NKX2-8: variants seen among roughly 807,000 people sequenced by gnomAD.
The protein encoded by NKX2-8 is homeobox protein Nkx-2.8.
In NKX2-8, 8 loss-of-function variants were observed where a neutral mutation model predicts 6.4. The observed-to-expected ratio is 1.24, with a 90% CI of 0.73 to 2.24. The LOEUF (loss-of-function observed/expected upper bound fraction) is 2.24. Ranked by LOEUF, NKX2-8 falls within the 30% of genes most tolerant of loss-of-function variation. The pLI is 0.00. For missense variants in NKX2-8, 406 were observed against 351.1 expected (o/e 1.16, Z -1.25); for synonymous variants, 216 against 171.5 (o/e 1.26, Z -2.03).
At position 36,582,375 on chromosome 14, in the gene NKX2-8, T is replaced by A; in HGVS notation, c.15A>T (p.Gly5=). 1 of 1,532,150 alleles carries A rather than the reference T, an allele frequency of 6.5e-7. No individual in the cohort carries two copies. The highest frequency in any genetic ancestry group is 8.8e-7 in the Non-Finnish European group (1 of 1,131,368). 94.9% of individuals were successfully genotyped at this position (1,532,150 alleles called of 1,614,324 possible). Residue 5 remains glycine, a synonymous_variant, in exon 1 of 2, where the codon GGA becomes GGT. Coordinates refer to ENST00000258829, the MANE Select transcript of NKX2-8 (RefSeq NM_014360.4). The stretch of plus-strand genomic sequence containing the variant: ...GGCTGCGCACGGTGAAGCTCAGGCG[T>A]CCAGAGGTGGCCATGGCCGAGGAGG... MATS[G]RLSFTVRSLL...
At position 36,581,090 on chromosome 14, in the gene NKX2-8, C is replaced by T. The variant is rs555505864; in HGVS notation, c.532G>A (p.Gly178Arg). 8.5e-6 allele frequency: 12 copies of T among 1,414,420 alleles called. No individual in the cohort carries two copies. The Admixed American group carries it at 1.7e-4, about 20-fold the overall frequency. The allele number at this position is 1,414,420 out of a possible 1,614,324, so 87.6% of individuals were successfully genotyped here. The change falls in exon 2 of 2, where the codon GGG (glycine) becomes AGG (arginine). Residue 178 changes from glycine (G) to arginine (R), a missense_variant. By Grantham distance (125) the Gly-to-Arg change is moderately radical. Coordinates refer to ENST00000258829, the MANE Select transcript of NKX2-8 (RefSeq NM_014360.4). This position sits in a 1 kb window ranked among gnomAD's most constrained non-coding sequence, Gnocchi z 5.6. ...CCGCCGCCGCCGCCGCACGGCTGCCCGTCGCGAACAAGCACCGGCACCACC... is the reference window on the plus strand; with the variant it reads ...CCGCCGCCGCCGCCGCACGGCTGCCTGTCGCGAACAAGCACCGGCACCACC... ...RVVVPVLVRD[G>R]QPCGGGGGGE...
Position 36,580,699 on chromosome 14 carries a change from AG to A in NKX2-8, c.*202del, listed in dbSNP as rs1879189496. The A allele has an allele frequency of 5.1e-6, 2 of 392,606 alleles. No homozygotes were observed. The highest frequency in any genetic ancestry group is 2.9e-4 in the South Asian group (2 of 6,982). 24.3% of individuals were successfully genotyped at this position (392,606 alleles called of 1,614,324 possible). ...AACTCTGGGGCTGGCGGTGGAGGGA[AG>A]GTGAGGGAGGGGGCTCTGGCACACG... is the stretch of plus-strand genomic sequence containing the variant. On this transcript the variant is annotated 3_prime_UTR_variant, in exon 2 of 2. Transcript: ENST00000258829.
Position 36,582,229 on chromosome 14 carries a change from T to C in NKX2-8, c.157+4A>G. The stretch of plus-strand genomic sequence containing the variant: ...CCCCGCACCGCAATCCACCACGCAC[T>C]TACAAGGGTAGTGGCCGCGCTCCGA... On this transcript the variant is annotated splice_donor_region_variant and intron_variant, in intron 1 of 1. Coordinates refer to ENST00000258829, the MANE Select transcript of NKX2-8 (RefSeq NM_014360.4). 6.2e-7 allele frequency: 1 copy of C among 1,604,196 alleles called. No individual in the cohort carries two copies.
Position 36,580,882 on chromosome 14 carries a change from C to G in NKX2-8, c.*20G>C. Reference sequence around the variant, plus strand: ...GCGCGCTCCAAAGTCGAGGGTAGCCCCAGGTGCCGCCCTGCGGCCTCACCA... The same window carrying G: ...GCGCGCTCCAAAGTCGAGGGTAGCCGCAGGTGCCGCCCTGCGGCCTCACCA... On this transcript the variant is annotated 3_prime_UTR_variant, in exon 2 of 2. Transcript: ENST00000258829. The G allele has an allele frequency of 7.8e-7, 1 of 1,289,098 alleles. No homozygotes were observed. The highest frequency in any genetic ancestry group is 9.8e-7 in the Non-Finnish European group (1 of 1,022,250). The allele number at this position is 1,289,098 out of a possible 1,614,324, so 79.9% of individuals were successfully genotyped here. A position where few individuals can be genotyped will look rare whatever the true frequency, so the allele number is the denominator to read the frequency against.
Position 36,581,379 on chromosome 14 carries a change from G to A in NKX2-8, c.243C>T (p.Ala81=), listed in dbSNP as rs760634704. 4 of 1,592,652 alleles carry A rather than the reference G, an allele frequency of 2.5e-6. No individual in the cohort carries two copies. Among genetic ancestry groups the A allele is most frequent in the Non-Finnish European group, 2.6e-6 (3 of 1,169,934 alleles). Reference sequence around the variant, plus strand: ...GCACCCGCCGCTTCTTCCTTTTCTCGGCGTCCGAGCCCGGAGACGCGGGCC... The same window carrying A: ...GCACCCGCCGCTTCTTCCTTTTCTCAGCGTCCGAGCCCGGAGACGCGGGCC... The part of the protein sequence containing the change: ...SARPASPGSD[A]EKRKKRRVLF... Residue 81 remains alanine (A), a synonymous_variant, in exon 2 of 2, where the codon GCC becomes GCT. Transcript: ENST00000258829. This position sits in a 1 kb window ranked among gnomAD's most constrained non-coding sequence, Gnocchi z 5.6.
Position 36,580,821 on chromosome 14 carries a change from C to G in NKX2-8, c.*81G>C, listed in dbSNP as rs1357443649. On this transcript the variant is annotated 3_prime_UTR_variant, in exon 2 of 2. Transcript: ENST00000258829. ...TGCAGGGAGGCGGACGGAGAGCGTT[C>G]CAGGCGTTCGGCTCCGGCCCTGCTC... 2 of 1,048,648 alleles carry G rather than the reference C, an allele frequency of 1.9e-6. No individual in the cohort carries two copies. 65.0% of individuals were successfully genotyped at this position (1,048,648 alleles called of 1,614,324 possible).
rs2139054596 is a variant in NKX2-8 at position 36,581,270 on chromosome 14, C to T, written c.352G>A (p.Ala118Thr). The change falls in exon 2 of 2, where the codon GCG becomes ACG. Residue 118 changes from alanine (A) to threonine (T), a missense_variant. Ala to Thr is a moderately conservative substitution (Grantham distance 58). Transcript: ENST00000258829. This position sits in a 1 kb window ranked among gnomAD's most constrained non-coding sequence, Gnocchi z 5.6. The part of the protein sequence containing the change: ...YLSAPEREQL[A>T]SLLRLTPTQV... ...GTGGGCGTGAGGCGAAGCAGGCTCGCCAGCTGCTCGCGCTCGGGCGCAGAC... is the reference window on the plus strand; with the variant it reads ...GTGGGCGTGAGGCGAAGCAGGCTCGTCAGCTGCTCGCGCTCGGGCGCAGAC... 7 of 1,605,836 alleles carry T rather than the reference C, an allele frequency of 4.4e-6. No individual in the cohort carries two copies. The highest frequency in any genetic ancestry group is 2.2e-5 in the East Asian group (1 of 44,528).
rs1879205195 is a variant in NKX2-8 at position 36,580,980 on chromosome 14, G to T, written c.642C>A (p.Phe214Leu). ...AACPLPGYPA[F>L]GPGSALGLFP... ...AGAGGCCAAGCGCCGAGCCGGGACC[G>T]AAGGCAGGGTAGCCCGGCAGAGGGC... is the stretch of plus-strand genomic sequence containing the variant. Residue 214 changes from phenylalanine to leucine, a missense_variant, in exon 2 of 2, where the codon TTC becomes TTA. By Grantham distance (22) the Phe-to-Leu change is conservative (BLOSUM62 0). Coordinates refer to ENST00000258829, the MANE Select transcript of NKX2-8 (RefSeq NM_014360.4). 2 of 1,351,698 alleles carry T rather than the reference G, an allele frequency of 1.5e-6. No homozygotes were observed. The highest frequency in any genetic ancestry group is 1.5e-5 in the African/African-American group (1 of 66,562). 83.7% of individuals were successfully genotyped at this position (1,351,698 alleles called of 1,614,324 possible). A position where few individuals can be genotyped will look rare whatever the true frequency, so the allele number is the denominator to read the frequency against.
At position 36,581,007 on chromosome 14, in the gene NKX2-8, G is replaced by C. The variant is rs1594434365; in HGVS notation, c.615C>G (p.Ala205=). 3.0e-6 allele frequency: 4 copies of C among 1,348,426 alleles called. No homozygotes were observed. In the East Asian group the frequency reaches 8.8e-5, roughly 30 times the overall value. The allele number at this position is 1,348,426 out of a possible 1,614,324, so 83.5% of individuals were successfully genotyped here. A position where few individuals can be genotyped will look rare whatever the true frequency, so the allele number is the denominator to read the frequency against. ...QEKCGAPPAA[A]CPLPGYPAFG... ...AGGCAGGGTAGCCCGGCAGAGGGCA[G>C]GCGGCGGCTGGAGGGGCGCCGCACT... Residue 205 remains alanine, a synonymous_variant, in exon 2 of 2, where the codon GCC becomes GCG. Transcript: ENST00000258829. The surrounding 1 kb of genome is among the most constrained non-coding windows in gnomAD (Gnocchi z 5.6).
At position 36,580,467 on chromosome 14, in the gene NKX2-8, G is replaced by C. The variant is rs1227224364; in HGVS notation, c.*435C>G. 1.9e-5 allele frequency: 3 copies of C among 154,614 alleles called. No individual in the cohort carries two copies. The highest frequency in any genetic ancestry group is 3.8e-4 in the East Asian group (2 of 5,226). The allele number at this position is 154,614 out of a possible 1,614,324, so 9.6% of individuals were successfully genotyped here. ...TCCAGCTGGGGCCGGGCCCCACTTA[G>C]CCAGTCAAGGGGCGAGCCAGCGATG... On this transcript the variant is annotated 3_prime_UTR_variant, in exon 2 of 2. Coordinates refer to ENST00000258829, the MANE Select transcript of NKX2-8 (RefSeq NM_014360.4).
rs746089110 is a variant in NKX2-8 at position 36,582,411 on chromosome 14, G to T, written c.-22C>A. The T allele has an allele frequency of 2.7e-6, 4 of 1,484,110 alleles. No homozygotes were observed. Among genetic ancestry groups the T allele is most frequent in the Non-Finnish European group, 3.6e-6 (4 of 1,109,096 alleles). The allele number at this position is 1,484,110 out of a possible 1,614,324, so 91.9% of individuals were successfully genotyped here. On this transcript the variant is annotated 5_prime_UTR_variant, in exon 1 of 2. Coordinates refer to ENST00000258829, the MANE Select transcript of NKX2-8 (RefSeq NM_014360.4). ...CCATGGCCGAGGAGGGGAAGGAGGCGGGGGCAGGGCAGGCTGGGAACGGAG... is the reference window on the plus strand; with the variant it reads ...CCATGGCCGAGGAGGGGAAGGAGGCTGGGGCAGGGCAGGCTGGGAACGGAG...
In NKX2-8 at chr14:36,582,241, T is replaced by C. The variant is rs767059131; in HGVS notation, c.149A>G (p.His50Arg). Residue 50 changes from histidine to arginine, a missense_variant, in exon 1 of 2, where the codon CAC becomes CGC. Coordinates refer to ENST00000258829, the MANE Select transcript of NKX2-8 (RefSeq NM_014360.4). Reference sequence around the variant, plus strand: ...ATCCACCACGCACTTACAAGGGTAGTGGCCGCGCTCCGAATCCAGCCAGGC... The same window carrying C: ...ATCCACCACGCACTTACAAGGGTAGCGGCCGCGCTCCGAATCCAGCCAGGC... Reference protein sequence around the residue: ...CAAWLDSERGHYPSSDESSLE... With the variant: ...CAAWLDSERGRYPSSDESSLE... The C allele has an allele frequency of 1.1e-5, 17 of 1,607,964 alleles. No homozygotes were observed. In the African/African-American group the frequency reaches 1.6e-4, roughly 15 times the overall value.
Position 36,581,025 on chromosome 14 carries a change from G to A in NKX2-8, c.597C>T (p.Gly199=), listed in dbSNP as rs779092883. The A allele has an allele frequency of 1.5e-6, 2 of 1,350,726 alleles. No homozygotes were observed. Among genetic ancestry groups the A allele is most frequent in the African/African-American group, 1.5e-5 (1 of 65,600 alleles). 83.7% of individuals were successfully genotyped at this position (1,350,726 alleles called of 1,614,324 possible). ...GAGGGCAGGCGGCGGCTGGAGGGGCGCCGCACTTCTCCTGGGCCGCGGCGG... is the reference window on the plus strand; with the variant it reads ...GAGGGCAGGCGGCGGCTGGAGGGGCACCGCACTTCTCCTGGGCCGCGGCGG... The part of the protein sequence containing the change: ...VGTAAAQEKC[G]APPAAACPLP... Residue 199 remains glycine (G), a synonymous_variant, in exon 2 of 2, where the codon GGC becomes GGT. Transcript: ENST00000258829. The surrounding 1 kb of genome is among the most constrained non-coding windows in gnomAD (Gnocchi z 5.6).
rs1194653200 is a variant in NKX2-8, at chr14:36,581,168, C to T, written c.454G>A (p.Asp152Asn). 8 of 1,593,368 alleles carry T rather than the reference C, an allele frequency of 5.0e-6. No individual in the cohort carries two copies. Among genetic ancestry groups the T allele is most frequent in the Middle Eastern group, 1.7e-4 (1 of 6,036 alleles). The change falls in exon 2 of 2, where the codon GAC (aspartate) becomes AAC (asparagine). Residue 152 changes from aspartate to asparagine, a missense_variant. Coordinates refer to ENST00000258829, the MANE Select transcript of NKX2-8 (RefSeq NM_014360.4). This position sits in a 1 kb window ranked among gnomAD's most constrained non-coding sequence, Gnocchi z 5.6. The part of the protein sequence containing the change: ...ARAPGAAESP[D>N]LAASAELHAA... Reference sequence around the variant, plus strand: ...TGCAGCTCGGCGGATGCTGCCAGGTCAGGCGACTCCGCCGCCCCTGGAGCG... The same window carrying T: ...TGCAGCTCGGCGGATGCTGCCAGGTTAGGCGACTCCGCCGCCCCTGGAGCG...
At chr14:36,582,170 C>G in intron 1 of NKX2-8, 63 bp downstream of exon 1, 1 of 1,518,066 alleles carries the variant, frequency 6.6e-7, no homozygotes, top group Non-Finnish European at 8.9e-7. Context: ...GGGCTGGGCC[C>G]TTGATTCTGC....
chr14:36,581,445 CAGG>C lies in NKX2-8; in HGVS notation c.174_176del (p.Ser58_Leu59delinsArg), dbSNP rs1208809480. 96 of 1,572,418 alleles carry C rather than the reference CAGG, an allele frequency of 6.1e-5. No individual in the cohort carries two copies. The highest frequency in any genetic ancestry group is 8.1e-5 in the Non-Finnish European group (94 of 1,161,792). ...GCGACGAGTCTGGCGGGCTGGTCTC[CAGG>C]CTGCTCTCGTCCGAGGCTAGGGACA... On this transcript the variant is annotated inframe_deletion, in exon 2 of 2. Transcript: ENST00000258829. This position sits in a 1 kb window ranked among gnomAD's most constrained non-coding sequence, Gnocchi z 5.6.
Position 36,580,849 on chromosome 14 carries a change from A to C in NKX2-8, c.*53T>G. On this transcript the variant is annotated 3_prime_UTR_variant, in exon 2 of 2. Coordinates refer to ENST00000258829, the MANE Select transcript of NKX2-8 (RefSeq NM_014360.4). ...GGCGTTCGGCTCCGGCCCTGCTCCAATCGCAGAGCGCGCTCCAAAGTCGAG... is the reference window on the plus strand; with the variant it reads ...GGCGTTCGGCTCCGGCCCTGCTCCACTCGCAGAGCGCGCTCCAAAGTCGAG... The C allele has an allele frequency of 8.1e-7, 1 of 1,228,754 alleles. No individual in the cohort carries two copies. Among genetic ancestry groups the C allele is most frequent in the Non-Finnish European group, 1.0e-6 (1 of 974,554 alleles). 76.1% of individuals were successfully genotyped at this position (1,228,754 alleles called of 1,614,324 possible).
In NKX2-8 at chr14:36,580,461, C is replaced by T. The variant is rs913818865; in HGVS notation, c.*441G>A. On this transcript the variant is annotated 3_prime_UTR_variant, in exon 2 of 2. Coordinates refer to ENST00000258829, the MANE Select transcript of NKX2-8 (RefSeq NM_014360.4). ...CTTCGATCCAGCTGGGGCCGGGCCC[C>T]ACTTAGCCAGTCAAGGGGCGAGCCA... 3 of 154,302 alleles carry T rather than the reference C, an allele frequency of 1.9e-5. No homozygotes were observed. Among genetic ancestry groups the T allele is most frequent in the African/African-American group, 7.2e-5 (3 of 41,526 alleles). The allele number at this position is 154,302 out of a possible 1,614,324, so 9.6% of individuals were successfully genotyped here. A position where few individuals can be genotyped will look rare whatever the true frequency, so the allele number is the denominator to read the frequency against.
rs1269453992 is a variant in NKX2-8, at chr14:36,581,653, C to A, written c.158-189G>T. ...TCCGAATGCGGTGACCTCATTCATACCACAGCGGTCATCAGCGGGCCTGAG... is the reference window on the plus strand; with the variant it reads ...TCCGAATGCGGTGACCTCATTCATAACACAGCGGTCATCAGCGGGCCTGAG... On this transcript the variant is annotated intron_variant, in intron 1 of 1. Coordinates refer to ENST00000258829, the MANE Select transcript of NKX2-8 (RefSeq NM_014360.4). This position sits in a 1 kb window ranked among gnomAD's most constrained non-coding sequence, Gnocchi z 5.6. Among the ~76,000 whole-genome samples, 1 of 152,244 alleles carries A rather than the reference C, an allele frequency of 6.6e-6. No homozygotes were observed. The highest frequency in any genetic ancestry group is 1.5e-5 in the Non-Finnish European group (1 of 68,046).
Sources: gnomAD v4.1 joint callset for allele counts (sites outside exome capture counted in the v4.1 genomes callset) on GRCh38, gnomAD v4.1.1 for gene constraint, Gnocchi (gnomAD v3.1) non-coding constraint, MANE v1.5 for transcripts, NCBI Gene and HGNC (gene_info 2026-07-23, HGNC 2026-07-21) for gene names.